Variants in NKAIN3 observed in about 807,000 individuals in gnomAD.
NKAIN3 encodes the protein sodium/potassium-transporting ATPase subunit beta-1-interacting protein 3.
Under a neutral mutation model 30.2 loss-of-function variants are expected in NKAIN3, and 25 were observed. The observed-to-expected ratio is 0.83, with a 90% CI of 0.60 to 1.16. The LOEUF (loss-of-function observed/expected upper bound fraction) is 1.16. NKAIN3 is among the 50% of genes most tolerant of loss of function. NKAIN3 has a pLI of 0.00. For synonymous variants in NKAIN3, 91 were observed against 89.6 expected, an observed-to-expected ratio of 1.02 and a Z score of -0.09; for missense variants, 225 against 254.1, an observed-to-expected ratio of 0.89 and a Z score of 0.78.
At chr8:62,529,183 G>A (rs377609889) in intron 1 of NKAIN3, among the ~76,000 whole-genome samples, 29 of 152,240 alleles carry the variant, frequency 1.9e-4, no homozygotes, top group African/African-American at 6.7e-4. Context: ...TGCTACTCAA[G>A]AAAGCAAATC....
At chr8:62,742,788 T>C (rs991242603) in intron 3 of NKAIN3, among the ~76,000 whole-genome samples, 1 of 152,178 alleles carries the variant, frequency 6.6e-6, no homozygotes, top group African/African-American at 2.4e-5. Context: ...GTTCTCACAC[T>C]GCTAATAAAG....
chr8:62,746,253 C>A (rs998953995), intron 3 of NKAIN3, among the ~76,000 whole-genome samples: 3 of 152,194 alleles, frequency 2.0e-5, no homozygotes, highest in Admixed American at 2.0e-4. Context: ...CCTCTTCTAC[C>A]TTGTGTCTAA....
At chr8:62,957,592 C>A (rs984109629) in intron 6 of NKAIN3, among the ~76,000 whole-genome samples, 1 of 152,158 alleles carries the variant, frequency 6.6e-6, no homozygotes, top group South Asian at 2.1e-4. Context: ...GCATTAAATG[C>A]ATGTTATGAA....
At chr8:62,707,056 TACACACACACACAC>T (rs35879987) in intron 3 of NKAIN3, among the ~76,000 whole-genome samples, 1 of 143,310 alleles carries the variant, frequency 7.0e-6, no homozygotes, top group South Asian at 2.2e-4. Context: ...CATACATACA[TACACACACACACAC>T]ACACACACAC....
At chr8:62,733,950 T>C (rs1227156189) in intron 3 of NKAIN3, among the ~76,000 whole-genome samples, 2 of 152,230 alleles carry the variant, frequency 1.3e-5, no homozygotes, top group Non-Finnish European at 2.9e-5. Context: ...AATATTCTCT[T>C]CCCTTTAGTG....
Position 62,641,754 on chromosome 8 carries a change from T to C in NKAIN3, c.273+51960T>C, listed in dbSNP as rs538932917. ...GAATATGGAAATCACATAATTATTT[T>C]CAAGAGAATGTGTGTGAGAACGAAT... On this transcript the variant is annotated intron_variant, in intron 3 of 6. Transcript: ENST00000623646. Among the ~76,000 whole-genome samples the C allele has an allele frequency of 2.5e-3, 378 of 152,284 alleles. 3 individuals carry two copies. Among genetic ancestry groups the C allele is most frequent in the African/African-American group, 8.9e-3 (370 of 41,574 alleles).
chr8:62,345,196 C>T (rs779763450), intron 1 of NKAIN3, among the ~76,000 whole-genome samples: 26 of 151,124 alleles, frequency 1.7e-4, no homozygotes, highest in Admixed American at 2.0e-4. Flanking sequence ...TTAATTAAAA[C>T]GGTTTTTTGG....
At chr8:62,651,735 G>A (rs1395112581) in intron 3 of NKAIN3, among the ~76,000 whole-genome samples, 1 of 152,090 alleles carries the variant, frequency 6.6e-6, no homozygotes, top group Admixed American at 6.6e-5. Flanking sequence ...TTGATCATGG[G>A]GTTGGATCCC....
At chr8:62,895,376 G>C (rs1453825841) in intron 4 of NKAIN3, among the ~76,000 whole-genome samples, 1 of 152,194 alleles carries the variant, frequency 6.6e-6, no homozygotes, top group Non-Finnish European at 1.5e-5. Flanking sequence ...GCAAAGAGGA[G>C]CAGTCACAAA....
intron 4 of NKAIN3, among the ~76,000 whole-genome samples, chr8:62,809,362 A>C (rs781588418): frequency 6.6e-6 from 1 of 152,204 alleles, no homozygotes; most frequent in Non-Finnish European, 1.5e-5. Flanking sequence ...TTGATTGGGG[A>C]AGTGATAATC....
intron 4 of NKAIN3, among the ~76,000 whole-genome samples, chr8:62,747,412 G>T (rs1274567354): frequency 1.3e-5 from 2 of 152,128 alleles, no homozygotes; most frequent in Admixed American, 1.3e-4. Context: ...ACCAGAAGTG[G>T]TCCCTTTTCA....
At chr8:62,306,536 T>TTGTGTGTG (rs10552182) in intron 1 of NKAIN3, among the ~76,000 whole-genome samples, 1,910 of 136,032 alleles carry the variant, frequency 0.014, 31 homozygotes, top group Non-Finnish European at 0.017. Context: ...TTTGAAGGCT[T>TTGTGTGTG]TGTGTGTGTG....
chr8:62,882,443 T>C (rs181641669), intron 4 of NKAIN3, among the ~76,000 whole-genome samples: 4 of 152,162 alleles, frequency 2.6e-5, no homozygotes, highest in African/African-American at 9.6e-5. Context: ...TCAATCCCCC[T>C]AGTAGCTAGC....
At chr8:62,282,484 G>T (rs1379410609) in intron 1 of NKAIN3, among the ~76,000 whole-genome samples, 2 of 152,174 alleles carry the variant, frequency 1.3e-5, no homozygotes, top group African/African-American at 2.4e-5. Flanking sequence ...GAATGCGTTT[G>T]CTGACAGATT....
chr8:62,630,482 C>CCTGA (rs1290320286), intron 3 of NKAIN3, among the ~76,000 whole-genome samples: 82 of 152,220 alleles, frequency 5.4e-4, no homozygotes, highest in Non-Finnish European at 9.3e-4. Context: ...AGCTTTGGTT[C>CCTGA]TTAAAGGCTG....
intron 1 of NKAIN3, among the ~76,000 whole-genome samples, chr8:62,369,208 A>C (rs554754367): frequency 6.6e-6 from 1 of 151,286 alleles, no homozygotes; most frequent in African/African-American, 2.5e-5. Context: ...AAGACTATGA[A>C]AGTTTTTTCT....
chr8:62,920,585 C>G (rs947580113), intron 5 of NKAIN3, among the ~76,000 whole-genome samples: 5 of 152,108 alleles, frequency 3.3e-5, no homozygotes, highest in African/African-American at 1.2e-4. Flanking sequence ...GTTCCATTGA[C>G]TTTGATGTCT....
At chr8:62,732,515 A>G (rs1335439911) in intron 3 of NKAIN3, among the ~76,000 whole-genome samples, 1 of 151,956 alleles carries the variant, frequency 6.6e-6, no homozygotes, top group African/African-American at 2.4e-5. Flanking sequence ...TAATGTATAA[A>G]TGTATATTTT....
In NKAIN3 at chr8:62,690,717, C is replaced by T. The variant is rs544363036; in HGVS notation, c.274-56215C>T. Among the ~76,000 whole-genome samples, 20 of 152,292 alleles carry T rather than the reference C, an allele frequency of 1.3e-4. No homozygotes were observed. The South Asian group carries it at 3.7e-3, about 28-fold the overall frequency. On this transcript the variant is annotated intron_variant, in intron 3 of 6. Coordinates refer to ENST00000623646, the MANE Select transcript of NKAIN3 (RefSeq NM_001304533.3). ...CTGTTAAGGTTTTCCCTGACAGCTG[C>T]ACACATGCCACATGAGCAAAACGGT...
Sources: allele counts gnomAD v4.1 joint callset (sites outside exome capture counted in the v4.1 genomes callset), GRCh38; gene constraint gnomAD v4.1.1; transcripts MANE v1.5; gene names NCBI Gene and HGNC (gene_info 2026-07-23, HGNC 2026-07-21).